ESRRG: variants seen among roughly 807,000 people sequenced by gnomAD.
ESRRG encodes the protein estrogen-related receptor gamma.
Under a neutral mutation model 44.0 loss-of-function variants are expected in ESRRG, and 13 were observed. The ratio of observed to expected loss-of-function variants is 0.30; its 90% CI spans 0.19 to 0.47. The LOEUF (loss-of-function observed/expected upper bound fraction) is 0.47, where lower values mean the gene tolerates loss of function less well. Among genes scored for constraint, ESRRG ranks in the 20% least tolerant of loss-of-function variants. The pLI is 1.00. For synonymous variants in ESRRG, 215 were observed against 214.6 expected (o/e 1.00, Z -0.02); for missense variants, 395 against 580.6 (o/e 0.68, Z 3.29).
intron 1 of ESRRG, among the ~76,000 whole-genome samples, chr1:216,957,544 C>T (rs2068189438): frequency 6.6e-6 from 1 of 152,140 alleles, no homozygotes; most frequent in Admixed American, 6.6e-5. Context: ...ACATCCTCAA[C>T]TCTTTCTTTC....
chr1:216,771,703 G>A (rs2093388127), intron 2 of ESRRG, among the ~76,000 whole-genome samples: 1 of 151,898 alleles, frequency 6.6e-6, no homozygotes, highest in Non-Finnish European at 1.5e-5. Context: ...GAAGCAATGT[G>A]GAACAGCACT....
At chr1:217,091,522 A>G (rs1392870318), upstream of ESRRG, among the ~76,000 whole-genome samples, 1 of 152,260 alleles carries the variant, frequency 6.6e-6, no homozygotes, top group Non-Finnish European at 1.5e-5. Context: ...TATTGTAATT[A>G]TGCAGAGACC....
At chr1:217,022,691 C>T (rs1257012088) in intron 1 of ESRRG, among the ~76,000 whole-genome samples, 6 of 152,144 alleles carry the variant, frequency 3.9e-5, no homozygotes, top group Non-Finnish European at 8.8e-5. Flanking sequence ...CGTTTCATGA[C>T]CGAGTAAAAT....
intron 3 of ESRRG, among the ~76,000 whole-genome samples, chr1:216,649,646 T>C (rs975488495): frequency 6.6e-6 from 1 of 152,156 alleles, no homozygotes; most frequent in African/African-American, 2.4e-5. Context: ...ATTATAACAT[T>C]ATACACTTCT....
At chr1:216,779,969 C>G (rs965607441) in intron 2 of ESRRG, among the ~76,000 whole-genome samples, 4 of 151,670 alleles carry the variant, frequency 2.6e-5, no homozygotes, top group Non-Finnish European at 5.9e-5. Context: ...GTTCTATACA[C>G]CTAAGATAGA....
At chr1:217,041,442 C>T (rs549570235) in intron 1 of ESRRG, among the ~76,000 whole-genome samples, 1 of 152,188 alleles carries the variant, frequency 6.6e-6, no homozygotes, top group African/African-American at 2.4e-5. Context: ...TGTATATATC[C>T]ATCCACAAAT....
At chr1:216,589,955 CA>C (rs978380331) in intron 3 of ESRRG, among the ~76,000 whole-genome samples, 4 of 114,102 alleles carry the variant, frequency 3.5e-5, no homozygotes, top group Admixed American at 8.6e-5. Flanking sequence ...ATTTAGCCCA[CA>C]AAATAGAGAG....
At chr1:216,984,053 G>C (rs370143427) in intron 1 of ESRRG, among the ~76,000 whole-genome samples, 1 of 149,528 alleles carries the variant, frequency 6.7e-6, no homozygotes, top group Admixed American at 6.7e-5. Flanking sequence ...AAGAATGGGG[G>C]GGGGTATGTG....
intron 2 of ESRRG, among the ~76,000 whole-genome samples, chr1:216,871,259 T>G (rs2818806): frequency 6.6e-6 from 1 of 151,828 alleles, no homozygotes; most frequent in African/African-American, 2.4e-5. Flanking sequence ...TTTAGAAATG[T>G]GTTGTCAAAT....
At chr1:216,794,634 A>G (rs923837466) in intron 2 of ESRRG, among the ~76,000 whole-genome samples, 1 of 152,212 alleles carries the variant, frequency 6.6e-6, no homozygotes, top group Non-Finnish European at 1.5e-5. Context: ...CCCACTGACT[A>G]AGCCCCTTTC....
chr1:216,742,037 A>C (rs968358752), intron 2 of ESRRG, among the ~76,000 whole-genome samples: 4 of 152,142 alleles, frequency 2.6e-5, no homozygotes, highest in African/African-American at 9.7e-5. Context: ...CAAAATCAAG[A>C]TTCTTTTAAC....
intron 3 of ESRRG, among the ~76,000 whole-genome samples, chr1:216,579,832 T>G (rs963092266): frequency 5.3e-5 from 8 of 152,164 alleles, no homozygotes; most frequent in Non-Finnish European, 8.8e-5. Flanking sequence ...CACTCCCTCA[T>G]GTAGAAGGAG....
intron 1 of ESRRG, among the ~76,000 whole-genome samples, chr1:217,134,177 G>T (rs1170770642): frequency 6.6e-6 from 1 of 152,120 alleles, no homozygotes; most frequent in Non-Finnish European, 1.5e-5. Flanking sequence ...GGAACAGACC[G>T]CGCTCCAGCC....
At chr1:216,687,404 G>A (rs968658003) in intron 1 of ESRRG, among the ~76,000 whole-genome samples, 2 of 152,154 alleles carry the variant, frequency 1.3e-5, no homozygotes, top group Non-Finnish European at 2.9e-5. Flanking sequence ...TGATTTGACT[G>A]CCAGTAGGAA....
intron 2 of ESRRG, among the ~76,000 whole-genome samples, chr1:216,895,414 G>A (rs548580135): frequency 2.6e-5 from 4 of 152,104 alleles, no homozygotes; most frequent in Non-Finnish European, 4.4e-5. Context: ...AAACTAAAGG[G>A]CCAATTAGGG....
At chr1:216,764,744 C>T (rs1048840217) in intron 2 of ESRRG, among the ~76,000 whole-genome samples, 6 of 152,108 alleles carry the variant, frequency 3.9e-5, no homozygotes, top group East Asian at 1.9e-4. Context: ...GATCCAACAG[C>T]GAACAGATGG....
intron 1 of ESRRG, among the ~76,000 whole-genome samples, chr1:217,112,666 C>T (rs2092673458): frequency 6.6e-6 from 1 of 152,150 alleles, no homozygotes; most frequent in Non-Finnish European, 1.5e-5. Context: ...TACAAAGGAT[C>T]TAGGATTTGC....
rs973902891 is a variant in ESRRG, at chr1:216,868,181, A to C, written c.-14+71401T>G. The stretch of plus-strand genomic sequence containing the variant: ...GGGCTCACTGCAACCTCCGCCTCCC[A>C]GGTTCAAGCCATTCTCCTGTCTCAG... On this transcript the variant is annotated intron_variant, in intron 2 of 7. Coordinates refer to the ESRRG transcript ENST00000359162. Among the ~76,000 whole-genome samples, 4 of 134,018 alleles carry C rather than the reference A, an allele frequency of 3.0e-5. No individual in the cohort carries two copies. The Admixed American group carries it at 3.6e-4, about 12-fold the overall frequency. 87.9% of individuals were successfully genotyped at this position (134,018 alleles called of 152,430 possible).
At chr1:216,648,302 C>T (rs763116847) in intron 3 of ESRRG, among the ~76,000 whole-genome samples, 3 of 152,042 alleles carry the variant, frequency 2.0e-5, no homozygotes, top group African/African-American at 2.4e-5. Context: ...CCCATCCTTT[C>T]GATTTGGTGG....
Sources: allele counts gnomAD v4.1 joint callset (sites outside exome capture counted in the v4.1 genomes callset), GRCh38; gene constraint gnomAD v4.1.1; transcripts MANE v1.5; gene names NCBI Gene and HGNC (gene_info 2026-07-23, HGNC 2026-07-21).